Variants in CHMP4C observed in about 807,000 individuals in gnomAD.
CHMP4C encodes SNF7 homolog associated with Alix 3.
Under a neutral mutation model 29.0 loss-of-function variants are expected in CHMP4C, and 28 were observed. The observed-to-expected ratio is 0.97, with a 90% confidence interval of 0.72 to 1.32. CHMP4C has a LOEUF of 1.32. CHMP4C is among the 40% of genes most tolerant of loss of function. CHMP4C has a pLI of 0.00. For synonymous variants in CHMP4C, 106 were observed against 102.4 expected (o/e 1.04, Z -0.21); for missense variants, 291 against 281.0 (o/e 1.04, Z -0.25).
intron 2 of CHMP4C, among the ~76,000 whole-genome samples, chr8:81,753,859 G>T (rs369414057): frequency 6.6e-6 from 1 of 151,900 alleles, no homozygotes; most frequent in South Asian, 2.1e-4. Context: ...TTACCTCGTG[G>T]TTATTGTGAG....
intron 1 of CHMP4C, among the ~76,000 whole-genome samples, chr8:81,739,572 C>T (rs1808738393): frequency 6.6e-6 from 1 of 152,182 alleles, no homozygotes; most frequent in Non-Finnish European, 1.5e-5. Context: ...TAATTTCCCT[C>T]CCTTACCAGA....
intron 1 of CHMP4C, among the ~76,000 whole-genome samples, chr8:81,745,239 T>C (rs928830038): frequency 6.6e-6 from 1 of 152,236 alleles, no homozygotes; most frequent in Admixed American, 6.5e-5. Context: ...GTGTGACATG[T>C]CTCTTAAGCA....
intron 1 of CHMP4C, among the ~76,000 whole-genome samples, chr8:81,738,038 A>G (rs1808716386): frequency 6.6e-6 from 1 of 152,190 alleles, no homozygotes; most frequent in Non-Finnish European, 1.5e-5. Flanking sequence ...CACTAGGGGC[A>G]GGTCAAGGAT....
At chr8:81,756,448 T>C (rs1335308791) in intron 3 of CHMP4C, among the ~76,000 whole-genome samples, 3 of 152,166 alleles carry the variant, frequency 2.0e-5, no homozygotes, top group African/African-American at 4.8e-5. Flanking sequence ...ATCTAGTGAG[T>C]ACATTATGAT....
At chr8:81,736,660 C>T (rs1030726098) in intron 1 of CHMP4C, among the ~76,000 whole-genome samples, 1 of 152,078 alleles carries the variant, frequency 6.6e-6, no homozygotes, top group African/African-American at 2.4e-5. Context: ...ATGGTGCGCA[C>T]CTCTAATAGG....
chr8:81,749,654 T>A (rs530233885), intron 1 of CHMP4C, among the ~76,000 whole-genome samples: 1 of 152,316 alleles, frequency 6.6e-6, no homozygotes, highest in Admixed American at 6.5e-5. Flanking sequence ...TTAATACCTG[T>A]GTGTAATAAT....
intron 1 of CHMP4C, among the ~76,000 whole-genome samples, chr8:81,746,329 A>G (rs1287718110): frequency 3.9e-5 from 6 of 152,196 alleles, no homozygotes; most frequent in Non-Finnish European, 5.9e-5. Flanking sequence ...TTTTGAACAC[A>G]TGGTAGGCTG....
chr8:81,755,869 G>A (rs937545747), intron 3 of CHMP4C, among the ~76,000 whole-genome samples: 1 of 152,134 alleles, frequency 6.6e-6, no homozygotes, highest in African/African-American at 2.4e-5. Flanking sequence ...TAAATTAGAG[G>A]TTAGGCTGCC....
chr8:81,740,814 C>G (rs1456981070), intron 1 of CHMP4C, among the ~76,000 whole-genome samples: 1 of 152,130 alleles, frequency 6.6e-6, no homozygotes, highest in Admixed American at 6.6e-5. Flanking sequence ...AATGCCACAC[C>G]AGGAGATTCT....
At position 81,753,094 on chromosome 8, in the gene CHMP4C, G is replaced by A; in HGVS notation, c.221G>A (p.Arg74Lys). The A allele has an allele frequency of 6.2e-7, 1 of 1,611,536 alleles. No individual in the cohort carries two copies. Among genetic ancestry groups the A allele is most frequent in the Non-Finnish European group, 8.5e-7 (1 of 1,178,714 alleles). The stretch of plus-strand genomic sequence containing the variant: ...TTACAGGCACTAAAGAGAAAGAAGA[G>A]GTTCGAGAAACAGCTCACTCAGATT... ...AALQALKRKK[R>K]FEKQLTQIDG... is the part of the protein sequence containing the mutation. The change falls in exon 2 of 5, where the codon AGG becomes AAG. Residue 74 changes from arginine (R) to lysine (K), a missense_variant. Coordinates refer to ENST00000297265, the MANE Select transcript of CHMP4C (RefSeq NM_152284.4).
intron 1 of CHMP4C, among the ~76,000 whole-genome samples, chr8:81,743,042 T>C (rs980228377): frequency 1.2e-4 from 18 of 151,968 alleles, no homozygotes; most frequent in African/African-American, 4.3e-4. Context: ...TTTTTTAAGA[T>C]TTTTTGACGT....
Position 81,732,598 on chromosome 8 carries a change from G to T in CHMP4C, c.-29G>T. 1 of 1,510,852 alleles carries T rather than the reference G, an allele frequency of 6.6e-7. No individual in the cohort carries two copies. Among genetic ancestry groups the T allele is most frequent in the East Asian group, 2.5e-5 (1 of 40,440 alleles). 93.6% of individuals were successfully genotyped at this position (1,510,852 alleles called of 1,614,324 possible). On this transcript the variant is annotated 5_prime_UTR_variant, in exon 1 of 5. Transcript: ENST00000297265. Reference sequence around the variant, plus strand: ...CCGGGGAGCTCCCGAGAGGCCCCCGGGATCGCTGGCCCTCCGAACTCCACA... The same window carrying T: ...CCGGGGAGCTCCCGAGAGGCCCCCGTGATCGCTGGCCCTCCGAACTCCACA...
At chr8:81,742,518 A>G (rs558957912) in intron 1 of CHMP4C, among the ~76,000 whole-genome samples, 1 of 152,344 alleles carries the variant, frequency 6.6e-6, no homozygotes, top group East Asian at 1.9e-4. Context: ...ACATTTAAGA[A>G]GTACTTTGGA....
In CHMP4C at chr8:81,758,491, A is replaced by G. The variant is rs758819128; in HGVS notation, c.649A>G (p.Arg217Gly). 1.2e-4 allele frequency: 200 copies of G among 1,612,534 alleles called. No individual in the cohort carries two copies. Among genetic ancestry groups the G allele is most frequent in the Non-Finnish European group, 1.7e-4 (195 of 1,178,802 alleles). Residue 217 changes from arginine to glycine, a missense_variant, in exon 5 of 5, where the codon AGG becomes GGG. Arg to Gly is a moderately radical substitution (Grantham distance 125, BLOSUM62 -2). Coordinates refer to ENST00000297265, the MANE Select transcript of CHMP4C (RefSeq NM_152284.4). ...ATTTTATGTTCCAGCATCTTCCCAG[A>G]GGGCAGAAGAAGAGGATGATGATAT... ...ARRSRAASSQ[R>G]AEEEDDDIKQ...
At chr8:81,736,510 C>A (rs762834743) in intron 1 of CHMP4C, among the ~76,000 whole-genome samples, 3 of 152,126 alleles carry the variant, frequency 2.0e-5, no homozygotes, top group Non-Finnish European at 4.4e-5. Flanking sequence ...TTTAGAGACA[C>A]TTCCAATACC....
At chr8:81,735,083 G>A (rs1328223251) in intron 1 of CHMP4C, among the ~76,000 whole-genome samples, 5 of 151,936 alleles carry the variant, frequency 3.3e-5, no homozygotes, top group South Asian at 2.1e-4. Context: ...TAGTAGATAC[G>A]GGGTTTCACC....
chr8:81,758,465 T>C lies in CHMP4C; in HGVS notation c.638-15T>C. On this transcript the variant is annotated splice_polypyrimidine_tract_variant and intron_variant, in intron 4 of 4. Coordinates refer to ENST00000297265, the MANE Select transcript of CHMP4C (RefSeq NM_152284.4). ...ATGTCACCAATTACTAATTTTTATCTATTTTATGTTCCAGCATCTTCCCAG... is the reference window on the plus strand; with the variant it reads ...ATGTCACCAATTACTAATTTTTATCCATTTTATGTTCCAGCATCTTCCCAG... 1.2e-6 allele frequency: 2 copies of C among 1,603,808 alleles called. No homozygotes were observed. The highest frequency in any genetic ancestry group is 1.7e-4 in the Middle Eastern group (1 of 6,022).
At chr8:81,757,145 C>A (rs190980353) in intron 3 of CHMP4C, among the ~76,000 whole-genome samples, 2 of 152,196 alleles carry the variant, frequency 1.3e-5, no homozygotes, top group East Asian at 1.9e-4. Flanking sequence ...TATGTGCCTT[C>A]CCCCCACATT....
At chr8:81,743,783 A>T (rs1359192005) in intron 1 of CHMP4C, among the ~76,000 whole-genome samples, 1 of 152,176 alleles carries the variant, frequency 6.6e-6, no homozygotes, top group Non-Finnish European at 1.5e-5. Flanking sequence ...CATCTTCAAA[A>T]ACAACCTCAA....
Sources: allele counts gnomAD v4.1 joint callset (sites outside exome capture counted in the v4.1 genomes callset), GRCh38; gene constraint gnomAD v4.1.1; transcripts MANE v1.5; gene names NCBI Gene and HGNC (gene_info 2026-07-23, HGNC 2026-07-21).